Variants in ZNF385D observed in about 807,000 individuals in gnomAD.
The protein encoded by ZNF385D is zinc finger protein 385D, also known as zinc finger protein 659.
Under a neutral mutation model 35.8 loss-of-function variants are expected in ZNF385D, and 15 were observed. The observed-to-expected ratio is 0.42, with a 90% CI of 0.28 to 0.64. The LOEUF is 0.64. Ranked by LOEUF, ZNF385D falls within the 30% of genes least tolerant of loss-of-function variation. ZNF385D has a pLI of 0.23. For missense variants in ZNF385D, 474 were observed against 494.6 expected (o/e 0.96, Z 0.39); for synonymous variants, 212 against 186.8 (o/e 1.13, Z -1.10).
chr3:21,949,587 G>C (rs1414530623), intron 3 of ZNF385D, among the ~76,000 whole-genome samples: 1 of 141,770 alleles, frequency 7.1e-6, no homozygotes, highest in Non-Finnish European at 1.5e-5. Context: ...TTTAAGTTCT[G>C]GGATACATGC....
At chr3:21,974,080 T>A (rs1023367189) in intron 3 of ZNF385D, among the ~76,000 whole-genome samples, 4 of 151,954 alleles carry the variant, frequency 2.6e-5, no homozygotes, top group African/African-American at 9.7e-5. Context: ...TCCTAAAATG[T>A]ATATGGAACC....
At chr3:21,981,843 T>A (rs1470018005) in intron 3 of ZNF385D, among the ~76,000 whole-genome samples, 4 of 152,210 alleles carry the variant, frequency 2.6e-5, no homozygotes, top group African/African-American at 9.6e-5. Context: ...TACTTGTTTT[T>A]GTCAGCTTTG....
chr3:21,533,165 C>T (rs566808993), intron 3 of ZNF385D, among the ~76,000 whole-genome samples: 5 of 152,260 alleles, frequency 3.3e-5, no homozygotes, highest in East Asian at 3.9e-4. Flanking sequence ...AGGTGGCCCT[C>T]GCTTTGTAGG....
chr3:22,060,048 C>A (rs1699611925), intron 3 of ZNF385D, among the ~76,000 whole-genome samples: 1 of 152,172 alleles, frequency 6.6e-6, no homozygotes, highest in African/African-American at 2.4e-5. Context: ...TACTGGTTCT[C>A]AGACCTTCAA....
chr3:21,606,755 C>G (rs1302948272), intron 2 of ZNF385D, among the ~76,000 whole-genome samples: 1 of 152,160 alleles, frequency 6.6e-6, no homozygotes, highest in Non-Finnish European at 1.5e-5. Context: ...ACCTTTCCAC[C>G]CCATTGTCAG....
intron 3 of ZNF385D, among the ~76,000 whole-genome samples, chr3:21,867,143 T>A: frequency 6.6e-6 from 1 of 152,068 alleles, no homozygotes; most frequent in East Asian, 1.9e-4. Context: ...AAAATGGAGA[T>A]AAACACTGTG....
At chr3:21,999,558 A>G (rs1576120972) in intron 3 of ZNF385D, among the ~76,000 whole-genome samples, 1 of 152,190 alleles carries the variant, frequency 6.6e-6, no homozygotes, top group African/African-American at 2.4e-5. Flanking sequence ...AGAAGAATCT[A>G]TGGTCAGACT....
In ZNF385D at chr3:22,090,474, G is replaced by C. The variant is rs566470552; in HGVS notation, c.325+78343C>G. On this transcript the variant is annotated intron_variant, in intron 3 of 5. Coordinates refer to the ZNF385D transcript ENST00000494108. ...ATTATAAGGAGCATGGTGTGGGATA[G>C]ATTTTTCTGAGTGACCCTGAGCTCT... 3.3e-5 allele frequency among the ~76,000 whole-genome samples: 5 copies of C among 151,988 alleles called. No individual in the cohort carries two copies. The South Asian group carries it at 1.0e-3, about 32-fold the overall frequency.
At chr3:21,810,543 T>C in intron 3 of ZNF385D, among the ~76,000 whole-genome samples, 1 of 150,456 alleles carries the variant, frequency 6.6e-6, no homozygotes, top group East Asian at 1.9e-4. Context: ...TATATGTGTG[T>C]GTATGTATGT....
chr3:22,187,302 ACAC>A (rs1559438282), intron 2 of ZNF385D, among the ~76,000 whole-genome samples: 1 of 152,180 alleles, frequency 6.6e-6, no homozygotes, highest in Non-Finnish European at 1.5e-5. Context: ...ACACTAATCA[ACAC>A]CATATGTTTT....
chr3:21,461,520 C>T (rs932947960), intron 4 of ZNF385D, among the ~76,000 whole-genome samples: 1 of 152,120 alleles, frequency 6.6e-6, no homozygotes, highest in Non-Finnish European at 1.5e-5. Context: ...TGCACTCCAG[C>T]CTGGGCAATG....
intron 1 of ZNF385D, among the ~76,000 whole-genome samples, chr3:21,737,267 T>C (rs1055671336): frequency 6.6e-6 from 1 of 152,340 alleles, no homozygotes; most frequent in African/African-American, 2.4e-5. Context: ...AGAATTATTA[T>C]GCACTATGAT....
intron 3 of ZNF385D, among the ~76,000 whole-genome samples, chr3:21,849,161 G>C (rs144251406): frequency 6.6e-6 from 1 of 151,892 alleles, no homozygotes; most frequent in Non-Finnish European, 1.5e-5. Flanking sequence ...CTAATTCAAC[G>C]CATTTTACTA....
chr3:21,520,945 A>G (rs112002829), intron 3 of ZNF385D, among the ~76,000 whole-genome samples: 8 of 152,334 alleles, frequency 5.3e-5, no homozygotes, highest in African/African-American at 1.9e-4. Context: ...TCCTCCCTAC[A>G]TAGTCACATA....
chr3:21,921,337 C>A (rs1368996982), intron 3 of ZNF385D, among the ~76,000 whole-genome samples: 1 of 151,754 alleles, frequency 6.6e-6, no homozygotes, highest in Non-Finnish European at 1.5e-5. Flanking sequence ...TTTGCATTAT[C>A]AGTAATATGC....
chr3:21,448,742 A>G (rs7647569), intron 4 of ZNF385D, among the ~76,000 whole-genome samples: 13,922 of 152,146 alleles, frequency 0.092, 2,083 homozygotes, highest in African/African-American at 0.32. Context: ...TTCCCTTTCT[A>G]TCTCCAGAAA....
chr3:21,564,079 A>G (rs544696724), intron 3 of ZNF385D, among the ~76,000 whole-genome samples: 3 of 152,284 alleles, frequency 2.0e-5, no homozygotes, highest in South Asian at 2.1e-4. Context: ...TAAAATACCA[A>G]TACTCCTAGG....
In ZNF385D at chr3:22,107,026, G is replaced by GTTTTTTTTTTTTTTTTTTTTTTT. The variant is rs10676871; in HGVS notation, c.325+61790_325+61791insAAAAAAAAAAAAAAAAAAAAAAA. On this transcript the variant is annotated intron_variant, in intron 3 of 5. Coordinates refer to the ZNF385D transcript ENST00000494108. ...TTTATGCAAAAACTTTGGAATGAGA[G>GTTTTTTTTTTTTTTTTTTTTTTT]TTTTTTTTTTTTTTTTAGACAGAGT... is the stretch of plus-strand genomic sequence containing the variant. Among the ~76,000 whole-genome samples the GTTTTTTTTTTTTTTTTTTTTTTT allele has an allele frequency of 7.7e-4, 91 of 118,798 alleles. 10 individuals are homozygous for GTTTTTTTTTTTTTTTTTTTTTTT. Among genetic ancestry groups the GTTTTTTTTTTTTTTTTTTTTTTT allele is most frequent in the South Asian group, 2.0e-3 (7 of 3,446 alleles). The allele number at this position is 118,798 out of a possible 152,430, so 77.9% of individuals were successfully genotyped here. A position where few individuals can be genotyped will look rare whatever the true frequency, so the allele number is the denominator to read the frequency against.
chr3:22,184,933 T>C (rs561046329), intron 2 of ZNF385D, among the ~76,000 whole-genome samples: 1 of 152,310 alleles, frequency 6.6e-6, no homozygotes, highest in South Asian at 2.1e-4. Context: ...TTGGCCATTT[T>C]TTTAATCTTA....
Sources: allele counts gnomAD v4.1 joint callset (sites outside exome capture counted in the v4.1 genomes callset), GRCh38; gene constraint gnomAD v4.1.1; transcripts MANE v1.5; gene names NCBI Gene and HGNC (gene_info 2026-07-23, HGNC 2026-07-21).